Variants in MSANTD7 observed in about 807,000 individuals in gnomAD.
The protein encoded by MSANTD7 is zinc finger and SCAN domain containing 29.
At chr10:14,842,619 T>C in the MSANTD7 span, 4 of 1,536,162 alleles carry the variant, frequency 2.6e-6, no homozygotes, top group South Asian at 1.2e-5. The surrounding 1 kb of genome is among the most constrained non-coding windows in gnomAD (Gnocchi z 5.2). Flanking sequence ...GACAACTTAA[T>C]GGAGGATGCT....
the MSANTD7 span, among the ~76,000 whole-genome samples, chr10:14,840,481 C>T: frequency 6.6e-6 from 1 of 152,078 alleles, no homozygotes; most frequent in Non-Finnish European, 1.5e-5. Context: ...AATTTGAAGA[C>T]TTATTGACAA....
At chr10:14,846,255 G>T in the MSANTD7 span, 3 of 985,294 alleles carry the variant, frequency 3.0e-6, no homozygotes, top group Non-Finnish European at 3.6e-6. Flanking sequence ...AGATTTTCTG[G>T]AAACACAGAA....
the MSANTD7 span, chr10:14,844,069 TG>T: frequency 7.0e-7 from 1 of 1,428,712 alleles, no homozygotes. Context: ...CTCCACCAAA[TG>T]GAAGACCTTT....
the MSANTD7 span, chr10:14,842,928 C>T: frequency 9.9e-7 from 1 of 1,012,248 alleles, no homozygotes; most frequent in African/African-American, 1.6e-5. This position sits in a 1 kb window ranked among gnomAD's most constrained non-coding sequence, Gnocchi z 5.2. Flanking sequence ...GGATAGTGTC[C>T]TCTTCAGCAT....
the MSANTD7 span, chr10:14,845,624 C>T: frequency 3.1e-5 from 25 of 798,558 alleles, no homozygotes; most frequent in East Asian, 2.5e-4. Flanking sequence ...GAAAAAGTCT[C>T]ACTGTTTTGC....
the MSANTD7 span, chr10:14,846,920 A>G: frequency 1.0e-6 from 1 of 985,422 alleles, no homozygotes; most frequent in Non-Finnish European, 1.2e-6. Flanking sequence ...ATAAGGTGCT[A>G]TGTATACCAA....
the MSANTD7 span, chr10:14,838,434 C>G: frequency 6.2e-7 from 1 of 1,606,554 alleles, no homozygotes; most frequent in African/African-American, 1.3e-5. Context: ...CTGGGCTGCA[C>G]CTCAGCCTGT....
chr10:14,842,472 G>A, the MSANTD7 span: 7 of 1,536,002 alleles, frequency 4.6e-6, no homozygotes, highest in Admixed American at 2.0e-5. The surrounding 1 kb of genome is among the most constrained non-coding windows in gnomAD (Gnocchi z 5.2). Context: ...CGTCAGTGCC[G>A]CTCCAAGTTT....
the MSANTD7 span, among the ~76,000 whole-genome samples, chr10:14,839,571 C>CA: frequency 9.1e-3 from 723 of 79,546 alleles, 6 homozygotes; most frequent in Admixed American, 0.022. Context: ...ACTCCGTGTC[C>CA]AAAAAAAAAA....
At chr10:14,846,211 T>C in the MSANTD7 span, 1 of 985,208 alleles carries the variant, frequency 1.0e-6, no homozygotes. Context: ...TATGGAAAGA[T>C]ATGTGTCAAT....
the MSANTD7 span, chr10:14,845,195 A>G: frequency 1.0e-6 from 1 of 985,192 alleles, no homozygotes; most frequent in African/African-American, 1.7e-5. Flanking sequence ...GGAAGACATT[A>G]CTCTCTGTCA....
chr10:14,842,933 C>T, the MSANTD7 span: 1 of 962,716 alleles, frequency 1.0e-6, no homozygotes. The surrounding 1 kb of genome is among the most constrained non-coding windows in gnomAD (Gnocchi z 5.2). Context: ...GTGTCCTCTT[C>T]AGCATAGTTC....
At chr10:14,842,476 C>A in the MSANTD7 span, 1 of 1,536,148 alleles carries the variant, frequency 6.5e-7, no homozygotes, top group South Asian at 1.2e-5. This position sits in a 1 kb window ranked among gnomAD's most constrained non-coding sequence, Gnocchi z 5.2. Context: ...AGTGCCGCTC[C>A]AAGTTTAAAG....
the MSANTD7 span, among the ~76,000 whole-genome samples, chr10:14,840,694 T>C: frequency 1.3e-5 from 2 of 152,226 alleles, no homozygotes; most frequent in Non-Finnish European, 2.9e-5. Flanking sequence ...AATTAGAAGA[T>C]TAAAACAGGC....
the MSANTD7 span, among the ~76,000 whole-genome samples, chr10:14,841,788 GCAT>G: frequency 2.6e-5 from 4 of 152,230 alleles, no homozygotes; most frequent in African/African-American, 9.6e-5. Flanking sequence ...TAAAGACTGA[GCAT>G]CTTTCAGATT....
chr10:14,841,329 A>G, the MSANTD7 span: 2 of 152,228 alleles, frequency 1.3e-5, no homozygotes, highest in South Asian at 4.1e-4. Flanking sequence ...AGTCTAGAAA[A>G]AAGAATCGTA....
chr10:14,843,543 C>G, the MSANTD7 span: 1 of 1,550,512 alleles, frequency 6.4e-7, no homozygotes. Flanking sequence ...AGACTCCAGT[C>G]TCCTCTTCGA....
At chr10:14,844,490 CTATAAGCACA>C in the MSANTD7 span, 124,411 of 985,376 alleles carry the variant, frequency 0.13, 9,075 homozygotes, top group East Asian at 0.27. Flanking sequence ...CATTAGACGA[CTATAAGCACA>C]ACCTGTATTT....
At chr10:14,842,555 C>G in the MSANTD7 span, 62 of 1,536,162 alleles carry the variant, frequency 4.0e-5, no homozygotes, top group Non-Finnish European at 5.2e-5. The surrounding 1 kb of genome is among the most constrained non-coding windows in gnomAD (Gnocchi z 5.2). Flanking sequence ...ACCACACTGT[C>G]CATTTTATGA....
Sources: allele counts gnomAD v4.1 joint callset (sites outside exome capture counted in the v4.1 genomes callset), GRCh38; gene constraint gnomAD v4.1.1; non-coding constraint Gnocchi (gnomAD v3.1); transcripts MANE v1.5; gene names NCBI Gene and HGNC (gene_info 2026-07-23, HGNC 2026-07-21).